GRID2: variants seen among roughly 807,000 people sequenced by gnomAD.
GRID2 encodes the protein glutamate ionotropic receptor delta type subunit 2.
GRID2 carries 33 observed loss-of-function variants against 114.8 expected under a neutral mutation model. The observed-to-expected ratio is 0.29, with a 90% confidence interval of 0.22 to 0.38. GRID2 has a LOEUF of 0.38. Among genes scored for constraint, GRID2 ranks in the 10% least tolerant of loss-of-function variants. The pLI, the probability that GRID2 is intolerant of heterozygous loss-of-function variation, is 1.00. For missense variants in GRID2, 1,184 were observed against 1,257.7 expected, an observed-to-expected ratio of 0.94 and a Z score of 0.89; for synonymous variants, 505 against 449.9, an observed-to-expected ratio of 1.12 and a Z score of -1.55.
intron 2 of GRID2, among the ~76,000 whole-genome samples, chr4:92,946,988 A>G (rs1434536672): frequency 6.6e-6 from 1 of 152,080 alleles, no homozygotes; most frequent in East Asian, 1.9e-4. Flanking sequence ...AGATGGAAAG[A>G]TTTATAGAAA....
rs3076580 is a variant in GRID2 at position 92,329,993 on chromosome 4, A to AAGAGAGAGAGAGAGAGAG, written c.88+25265_88+25282dup. Among the ~76,000 whole-genome samples the AAGAGAGAGAGAGAGAGAG allele has an allele frequency of 4.1e-3, 542 of 132,532 alleles. 14 individuals are homozygous for AAGAGAGAGAGAGAGAGAG. In the East Asian group the frequency reaches 0.052, roughly 13 times the overall value. The allele number at this position is 132,532 out of a possible 152,430, so 86.9% of individuals were successfully genotyped here. The stretch of plus-strand genomic sequence containing the variant: ...AAAAAGGAAGAGGAGTATGGGAGGA[A>AAGAGAGAGAGAGAGAGAG]AGAGAGAGAGAGAGAGAGAGAGAGA... On this transcript the variant is annotated intron_variant, in intron 1 of 15. Coordinates refer to ENST00000282020, the MANE Select transcript of GRID2 (RefSeq NM_001510.4).
At chr4:92,713,464 CATATACATATACAT>C (rs1402326008) in intron 2 of GRID2, among the ~76,000 whole-genome samples, 184 of 73,234 alleles carry the variant, frequency 2.5e-3, no homozygotes, top group African/African-American at 9.0e-3. Flanking sequence ...CATATATTTA[CATATACATATACAT>C]ATATATATAT....
chr4:92,553,840 C>T (rs1196309820), intron 1 of GRID2, among the ~76,000 whole-genome samples: 4 of 151,966 alleles, frequency 2.6e-5, no homozygotes, highest in African/African-American at 4.8e-5. Context: ...TTAGTAGAGA[C>T]GGGCTTTTGC....
In GRID2 at chr4:92,600,348, C is replaced by T. The variant is rs369267124; in HGVS notation, c.244+10062C>T. ...AACTAGAGGATTAAAAATTAATACA[C>T]AAAACAGAAAAGGTCACATTCTTAC... is the stretch of plus-strand genomic sequence containing the variant. On this transcript the variant is annotated intron_variant, in intron 2 of 15. Coordinates refer to ENST00000282020, the MANE Select transcript of GRID2 (RefSeq NM_001510.4). Among the ~76,000 whole-genome samples, 7 of 151,642 alleles carry T rather than the reference C, an allele frequency of 4.6e-5. No individual in the cohort carries two copies. The South Asian group carries it at 1.3e-3, about 27-fold the overall frequency.
At chr4:92,642,762 T>C (rs1429424942) in intron 2 of GRID2, among the ~76,000 whole-genome samples, 1 of 151,758 alleles carries the variant, frequency 6.6e-6, no homozygotes, top group Non-Finnish European at 1.5e-5. Flanking sequence ...ATTTCCTAGG[T>C]TTTCTTCTAG....
intron 11 of GRID2, among the ~76,000 whole-genome samples, chr4:93,486,415 G>A (rs1307292494): frequency 1.3e-5 from 2 of 151,412 alleles, no homozygotes; most frequent in East Asian, 3.9e-4. Context: ...AGCAATTTGT[G>A]TCCTTTAAGA....
chr4:93,443,312 C>T (rs945385453), intron 10 of GRID2, among the ~76,000 whole-genome samples: 6 of 152,054 alleles, frequency 3.9e-5, no homozygotes. Flanking sequence ...ACACTTACCA[C>T]CATCTCTGTG....
chr4:93,574,409 T>C (rs1273058586), intron 13 of GRID2, among the ~76,000 whole-genome samples: 2 of 152,164 alleles, frequency 1.3e-5, no homozygotes, highest in Non-Finnish European at 2.9e-5. Context: ...TCTGTTTTCA[T>C]ACTACTGATA....
At chr4:93,284,096 A>G (rs1292892046) in intron 8 of GRID2, among the ~76,000 whole-genome samples, 16 of 151,962 alleles carry the variant, frequency 1.1e-4, no homozygotes, top group Non-Finnish European at 1.5e-5. Context: ...ACTTTTTCTT[A>G]TCTTTTTACT....
At chr4:92,542,019 T>C (rs560497723) in intron 1 of GRID2, among the ~76,000 whole-genome samples, 37 of 152,268 alleles carry the variant, frequency 2.4e-4, no homozygotes, top group African/African-American at 8.2e-4. Context: ...TTAATCCTTT[T>C]TTTGCAATAA....
rs191470964 is a variant in GRID2, at chr4:93,755,513, A to G, written c.2361-13697A>G. ...TTAAAAAAAGATAGCTAACACTTCT[A>G]GCTTACTAATCAGATTTATTCCTGA... On this transcript the variant is annotated intron_variant, in intron 14 of 15. Coordinates refer to ENST00000282020, the MANE Select transcript of GRID2 (RefSeq NM_001510.4). 1.0e-3 allele frequency among the ~76,000 whole-genome samples: 158 copies of G among 152,322 alleles called. No homozygotes were observed. The East Asian group carries it at 0.017, about 17-fold the overall frequency.
At chr4:93,158,270 G>A (rs1241937593) in intron 4 of GRID2, among the ~76,000 whole-genome samples, 1 of 151,814 alleles carries the variant, frequency 6.6e-6, no homozygotes, top group Non-Finnish European at 1.5e-5. Flanking sequence ...GAGAGCTGAA[G>A]CAGCGAATAC....
intron 1 of GRID2, among the ~76,000 whole-genome samples, chr4:92,403,246 T>C (rs1349571333): frequency 6.6e-6 from 1 of 152,204 alleles, no homozygotes; most frequent in African/African-American, 2.4e-5. Flanking sequence ...TGCTTTCTTA[T>C]TATTGATGTT....
At chr4:93,215,813 C>A (rs1415337828) in intron 5 of GRID2, among the ~76,000 whole-genome samples, 1 of 151,908 alleles carries the variant, frequency 6.6e-6, no homozygotes, top group Non-Finnish European at 1.5e-5. Context: ...TTTCTTAGAT[C>A]AAACCTCAGA....
chr4:93,318,638 C>T (rs1756926719), intron 8 of GRID2: 2 of 151,750 alleles, frequency 1.3e-5, no homozygotes. Flanking sequence ...TTAAAAAAAA[C>T]AGCTTTATTG....
intron 2 of GRID2, among the ~76,000 whole-genome samples, chr4:92,596,746 T>A (rs1205579824): frequency 6.6e-6 from 1 of 151,768 alleles, no homozygotes; most frequent in African/African-American, 2.4e-5. Flanking sequence ...AATTTCCCAT[T>A]AAGAGCAATT....
chr4:93,422,904 A>C lies in GRID2; in HGVS notation c.1481A>C (p.His494Pro). 6.2e-7 allele frequency: 1 copy of C among 1,613,878 alleles called. No individual in the cohort carries two copies. The highest frequency in any genetic ancestry group is 8.5e-7 in the Non-Finnish European group (1 of 1,179,780). Reference protein sequence around the residue: ...FNYEIYVAPDHKYGSPQEDGT... With the variant: ...FNYEIYVAPDPKYGSPQEDGT... ...TACGAAATTTACGTAGCACCGGATC[A>C]CAAATACGGAAGCCCACAAGAAGAT... The change falls in exon 10 of 16, where the codon CAC becomes CCC. Residue 494 changes from histidine to proline, a missense_variant. Transcript: ENST00000282020.
At chr4:93,624,904 C>A (rs1188168360) in intron 13 of GRID2, among the ~76,000 whole-genome samples, 3 of 149,638 alleles carry the variant, frequency 2.0e-5, no homozygotes, top group Non-Finnish European at 4.5e-5. Context: ...TGTAAGTGAA[C>A]CAGAGTAAAG....
At chr4:93,572,005 TA>T (rs1327333632) in intron 13 of GRID2, among the ~76,000 whole-genome samples, 1 of 152,196 alleles carries the variant, frequency 6.6e-6, no homozygotes, top group Non-Finnish European at 1.5e-5. Flanking sequence ...AAGCTAATTT[TA>T]AATGAATTAA....
Sources: gnomAD v4.1 joint callset for allele counts (sites outside exome capture counted in the v4.1 genomes callset) on GRCh38, gnomAD v4.1.1 for gene constraint, MANE v1.5 for transcripts, NCBI Gene and HGNC (gene_info 2026-07-23, HGNC 2026-07-21) for gene names.